Variants in UGGT1 observed in about 807,000 individuals in gnomAD.
The protein encoded by UGGT1 is UDP-glucose glycoprotein glucosyltransferase 1, also known as UDP-glucose:glycoprotein glucosyltransferase 1.
UGGT1 carries 107 observed loss-of-function variants against 203.9 expected under a neutral mutation model. That is an observed-to-expected ratio of 0.52 (90% CI 0.45 to 0.62). The LOEUF is 0.62. Among genes scored for constraint, UGGT1 ranks in the 20% least tolerant of loss-of-function variants. The pLI, the probability that UGGT1 is intolerant of heterozygous loss-of-function variation, is 0.00. For missense variants in UGGT1, 1,673 were observed against 1,867.2 expected (o/e 0.90, Z 1.92); for synonymous variants, 628 against 653.5 (o/e 0.96, Z 0.59).
chr2:128,129,572 T>C (rs1489059079), intron 13 of UGGT1, among the ~76,000 whole-genome samples: 4 of 152,062 alleles, frequency 2.6e-5, no homozygotes, highest in Admixed American at 6.6e-5. Flanking sequence ...CTAATTTTTG[T>C]ATTTTTAGTA....
chr2:128,107,838 T>A (rs1294164295), intron 3 of UGGT1, 100 bp from the exon 4 acceptor site: 2 of 1,535,110 alleles, frequency 1.3e-6, no homozygotes, highest in Admixed American at 1.8e-5. Flanking sequence ...AAACTTGCCT[T>A]CACATACCTT....
At chr2:128,124,237 C>T (rs1268551652) in intron 11 of UGGT1, among the ~76,000 whole-genome samples, 10 of 152,270 alleles carry the variant, frequency 6.6e-5, no homozygotes, top group East Asian at 5.8e-4. Context: ...TGAGCCACCG[C>T]GCCCAGCCAA....
At chr2:128,155,373 T>C (rs1690177935) in intron 19 of UGGT1, 116 bp from the exon 20 acceptor site, 1 of 741,850 alleles carries the variant, frequency 1.3e-6, no homozygotes, top group Non-Finnish European at 2.2e-6. Flanking sequence ...GAACTTAATA[T>C]ACTTCACTCA....
chr2:128,147,532 A>C (rs1689747839), intron 18 of UGGT1, among the ~76,000 whole-genome samples: 1 of 152,092 alleles, frequency 6.6e-6, no homozygotes, highest in South Asian at 2.1e-4. Flanking sequence ...TACACATTTT[A>C]CTTATATAAT....
At chr2:128,188,771 C>T (rs1317931077) in intron 40 of UGGT1, among the ~76,000 whole-genome samples, 1 of 152,138 alleles carries the variant, frequency 6.6e-6, no homozygotes, top group African/African-American at 2.4e-5. Context: ...GCACTCCAGC[C>T]TAGGTAACAG....
chr2:128,129,304 A>C, intron 13 of UGGT1, 125 bp downstream of exon 13: 2 of 1,168,356 alleles, frequency 1.7e-6, no homozygotes, highest in East Asian at 5.2e-5. Flanking sequence ...AAAGATTTAT[A>C]ATTGCTTATA....
At chr2:128,100,018 A>AT (rs1553431313) in intron 2 of UGGT1, among the ~76,000 whole-genome samples, 4 of 34,912 alleles carry the variant, frequency 1.1e-4, no homozygotes, top group African/African-American at 2.1e-4. Context: ...GAGATTTACA[A>AT]CCCCCCCCCC....
chr2:128,181,983 A>G, intron 36 of UGGT1, 147 bp from the exon 37 acceptor site: 4 of 672,012 alleles, frequency 6.0e-6, no homozygotes, highest in East Asian at 2.7e-5. Flanking sequence ...AAGTGGAGCA[A>G]TCAAAGTGCA....
chr2:128,106,110 C>CT (rs66611494), intron 3 of UGGT1, among the ~76,000 whole-genome samples: 4,293 of 101,266 alleles, frequency 0.042, 177 homozygotes, highest in East Asian at 0.19. Flanking sequence ...CAGCCTGAAT[C>CT]TTTTTTTTTT....
chr2:128,163,907 G>A (rs1690654193), intron 25 of UGGT1, among the ~76,000 whole-genome samples: 1 of 152,098 alleles, frequency 6.6e-6, no homozygotes, highest in African/African-American at 2.4e-5. Flanking sequence ...GGCTGGGCAC[G>A]GTGGCTCACA....
intron 14 of UGGT1, 96 bp from the exon 15 acceptor site, chr2:128,134,780 G>C: frequency 1.0e-6 from 1 of 1,000,494 alleles, no homozygotes; most frequent in East Asian, 2.5e-5. Flanking sequence ...GCTCGAAAAA[G>C]GTTGGCTTCA....
intron 39 of UGGT1, 24 bp from the exon 40 acceptor site, chr2:128,187,425 A>G (rs1206902494): frequency 1.2e-6 from 2 of 1,607,330 alleles, no homozygotes; most frequent in African/African-American, 2.7e-5. Flanking sequence ...AACTCAGCTG[A>G]AGTGTGTTCT....
At chr2:128,124,485 G>T (rs920300271) in intron 11 of UGGT1, among the ~76,000 whole-genome samples, 2 of 152,004 alleles carry the variant, frequency 1.3e-5, no homozygotes. Flanking sequence ...TGTACTGTTA[G>T]GTGGTTCGTG....
At chr2:128,146,434 A>G (rs1195955180) in intron 18 of UGGT1, among the ~76,000 whole-genome samples, 1 of 152,206 alleles carries the variant, frequency 6.6e-6, no homozygotes, top group Non-Finnish European at 1.5e-5. Context: ...TAATTTAAAT[A>G]ACTAGTATTA....
Position 128,109,701 on chromosome 2 carries a change from G to C in UGGT1, c.476G>C (p.Cys159Ser). ...TTTTCAGTGCATGGAAAGAAGACTT[G>C]TGAATCTGATACCCTTGAGGCTCTT... The part of the protein sequence containing the change: ...SFFSVHGKKT[C>S]ESDTLEALLL... The change falls in exon 5 of 41, where the codon TGT becomes TCT. Residue 159 changes from cysteine (C) to serine (S), a missense_variant. Transcript: ENST00000259253. 6.2e-7 allele frequency: 1 copy of C among 1,614,148 alleles called. No individual in the cohort carries two copies. The highest frequency in any genetic ancestry group is 8.5e-7 in the Non-Finnish European group (1 of 1,180,000).
At chr2:128,113,391 T>C (rs1310765803) in intron 6 of UGGT1, 133 bp downstream of exon 6, 1 of 705,670 alleles carries the variant, frequency 1.4e-6, no homozygotes, top group East Asian at 3.2e-5. Context: ...ATCCAGTAGT[T>C]TCATTGAGTC....
chr2:128,122,557 T>G (rs190104109), intron 10 of UGGT1, among the ~76,000 whole-genome samples: 40 of 152,124 alleles, frequency 2.6e-4, no homozygotes, highest in Admixed American at 2.4e-3. Context: ...AAGATTTTGT[T>G]TGTACGTTTT....
chr2:128,131,165 A>T (rs1688857479), intron 13 of UGGT1, among the ~76,000 whole-genome samples: 1 of 146,868 alleles, frequency 6.8e-6, no homozygotes, highest in African/African-American at 2.5e-5. Context: ...TTCGGGAGGC[A>T]GAGGTTGCAG....
At chr2:128,124,802 T>G (rs1394966180) in intron 11 of UGGT1, among the ~76,000 whole-genome samples, 1 of 152,152 alleles carries the variant, frequency 6.6e-6, no homozygotes, top group East Asian at 1.9e-4. Flanking sequence ...GGTGTTCCCG[T>G]GTATCTCTGA....
Sources: gnomAD v4.1 joint callset for allele counts (sites outside exome capture counted in the v4.1 genomes callset) on GRCh38, gnomAD v4.1.1 for gene constraint, MANE v1.5 for transcripts, NCBI Gene and HGNC (gene_info 2026-07-23, HGNC 2026-07-21) for gene names.